Variants in CORO1C observed in about 807,000 individuals in gnomAD.
CORO1C encodes the protein coronin-1C.
Under a neutral mutation model 51.2 loss-of-function variants are expected in CORO1C, and 14 were observed. The ratio of observed to expected loss-of-function variants is 0.27; its 90% CI spans 0.18 to 0.43. The LOEUF (loss-of-function observed/expected upper bound fraction) is 0.43. Among genes scored for constraint, CORO1C ranks in the 20% least tolerant of loss-of-function variants. CORO1C has a pLI of 1.00. For missense variants in CORO1C, 417 were observed against 607.8 expected, an observed-to-expected ratio of 0.69 and a Z score of 3.30; for synonymous variants, 181 against 210.5, an observed-to-expected ratio of 0.86 and a Z score of 1.21.
At position 108,646,636 on chromosome 12, in the gene CORO1C, C is replaced by T. The variant is rs1333587165; in HGVS notation, c.*767G>A. The T allele has an allele frequency of 6.6e-6, 1 of 152,116 alleles. No individual in the cohort carries two copies. The highest frequency in any genetic ancestry group is 1.9e-4 in the East Asian group (1 of 5,206). The allele number at this position is 152,116 out of a possible 1,614,324, so 9.4% of individuals were successfully genotyped here. A position where few individuals can be genotyped will look rare whatever the true frequency, so the allele number is the denominator to read the frequency against. ...AAGCAAAATTCCATTCTGGTACAAA[C>T]ACCCAATTTCTAGAAAAGAGAAAGG... On this transcript the variant is annotated 3_prime_UTR_variant, in exon 11 of 11. Coordinates refer to ENST00000261401, the MANE Select transcript of CORO1C (RefSeq NM_014325.4).
intron 2 of CORO1C, among the ~76,000 whole-genome samples, chr12:108,693,589 G>A (rs2034570280): frequency 6.6e-6 from 1 of 152,190 alleles, no homozygotes; most frequent in Non-Finnish European, 1.5e-5. Flanking sequence ...CTACCAAAAA[G>A]CTATCCTTCA....
chr12:108,675,425 T>A (rs1436367529), intron 3 of CORO1C, among the ~76,000 whole-genome samples: 1 of 152,076 alleles, frequency 6.6e-6, no homozygotes, highest in Non-Finnish European at 1.5e-5. Context: ...GGCTTTGAGA[T>A]AAGAATTATA....
In CORO1C at chr12:108,647,467, G is replaced by A. The variant is rs748719946; in HGVS notation, c.1361C>T (p.Thr454Ile). Residue 454 changes from threonine to isoleucine, a missense_variant, in exon 11 of 11, where the codon ACA (threonine) becomes ATA (isoleucine). Physicochemically the swap from Thr to Ile is moderately conservative, Grantham distance 89 (BLOSUM62 -1). Transcript: ENST00000261401. The stretch of plus-strand genomic sequence containing the variant: ...AATACGCTCATCTTGATTGCAGATT[G>A]TGTCTTTTATAGATTTGATCTCTTT... ...ILKEIKSIKD[T>I]ICNQDERISK... 1 of 1,610,522 alleles carries A rather than the reference G, an allele frequency of 6.2e-7. No homozygotes were observed. Among genetic ancestry groups the A allele is most frequent in the South Asian group, 1.1e-5 (1 of 90,910 alleles).
intron 1 of CORO1C, among the ~76,000 whole-genome samples, chr12:108,722,132 G>A (rs2035488022): frequency 6.6e-6 from 1 of 152,122 alleles, no homozygotes; most frequent in South Asian, 2.1e-4. Context: ...ACATTTCAAA[G>A]AGACAATCTG....
At chr12:108,714,197 T>TG in intron 1 of CORO1C, among the ~76,000 whole-genome samples, 1 of 151,936 alleles carries the variant, frequency 6.6e-6, no homozygotes, top group Admixed American at 6.6e-5. Flanking sequence ...GAAACCATCC[T>TG]GGCCAACATA....
intron 6 of CORO1C, among the ~76,000 whole-genome samples, chr12:108,655,855 G>A (rs1439603013): frequency 6.6e-6 from 1 of 152,196 alleles, no homozygotes; most frequent in East Asian, 1.9e-4. Flanking sequence ...TCTGGGATGT[G>A]AGGAGCCCCT....
chr12:108,712,253 C>T (rs1242599898), intron 1 of CORO1C, among the ~76,000 whole-genome samples: 1 of 152,066 alleles, frequency 6.6e-6, no homozygotes, highest in Non-Finnish European at 1.5e-5. Context: ...ATTTAAATGA[C>T]AATGCCAACA....
Position 108,649,029 on chromosome 12 carries a change from G to C in CORO1C, c.1002-9C>G, listed in dbSNP as rs745728099. The C allele has an allele frequency of 9.3e-6, 15 of 1,613,804 alleles. No individual in the cohort carries two copies. Among genetic ancestry groups the C allele is most frequent in the Non-Finnish European group, 1.3e-5 (15 of 1,179,966 alleles). ...CATGAAGTTTGAAGAATCTTCAGAG[G>C]GGAAATAAAGGCAAAGTTGCATTAA... On this transcript the variant is annotated splice_polypyrimidine_tract_variant and intron_variant, in intron 8 of 10. Transcript: ENST00000261401.
At chr12:108,702,459 T>C (rs1351393860) in intron 1 of CORO1C, among the ~76,000 whole-genome samples, 3 of 152,180 alleles carry the variant, frequency 2.0e-5, no homozygotes, top group Non-Finnish European at 4.4e-5. Context: ...ACTGAAAGCT[T>C]TGTGCTTTCA....
At chr12:108,661,970 C>A in intron 4 of CORO1C, 59 bp downstream of exon 4, 1 of 1,601,758 alleles carries the variant, frequency 6.2e-7, no homozygotes. Context: ...TTGCTTCCCC[C>A]CACTCAGAGA....
intron 3 of CORO1C, among the ~76,000 whole-genome samples, 174 bp from the exon 4 acceptor site, chr12:108,662,332 GT>G (rs1039542772): frequency 6.6e-6 from 1 of 151,378 alleles, no homozygotes; most frequent in Non-Finnish European, 1.5e-5. Flanking sequence ...TTTTTTGTTT[GT>G]TTTTTTGTTT....
At chr12:108,708,168 C>T (rs1452213617) in intron 1 of CORO1C, among the ~76,000 whole-genome samples, 1 of 152,134 alleles carries the variant, frequency 6.6e-6, no homozygotes, top group Non-Finnish European at 1.5e-5. Context: ...CAAACAAATA[C>T]TTGTACATGA....
intron 1 of CORO1C, chr12:108,701,837 G>C (rs2034880805): frequency 5.8e-6 from 1 of 172,100 alleles, no homozygotes; most frequent in Non-Finnish European, 1.3e-5. Flanking sequence ...TCTGAGAATT[G>C]TGTCTATTCC....
At chr12:108,649,109 T>A in intron 8 of CORO1C, 89 bp from the exon 9 acceptor site, 31 of 1,475,112 alleles carry the variant, frequency 2.1e-5, no homozygotes, top group Non-Finnish European at 2.9e-5. Flanking sequence ...CAATGCTGTC[T>A]GAAATGTCAA....
At chr12:108,657,237 G>A in intron 6 of CORO1C, 67 bp downstream of exon 6, 1 of 1,545,818 alleles carries the variant, frequency 6.5e-7, no homozygotes, top group Non-Finnish European at 8.7e-7. Flanking sequence ...CTTACTCACT[G>A]GAAGACCTGC....
At chr12:108,678,718 TA>T (rs5800834) in intron 2 of CORO1C, among the ~76,000 whole-genome samples, 10,193 of 113,662 alleles carry the variant, frequency 0.09, 488 homozygotes, top group East Asian at 0.32. Flanking sequence ...TTCCATGGCT[TA>T]AAAAAAAAAA....
At chr12:108,648,562 A>G (rs1386533518) in intron 10 of CORO1C, 43 bp downstream of exon 10, 2 of 1,611,894 alleles carry the variant, frequency 1.2e-6, no homozygotes, top group East Asian at 4.5e-5. Flanking sequence ...TAGAGGATAA[A>G]GCCTGAACCA....
intron 2 of CORO1C, among the ~76,000 whole-genome samples, chr12:108,699,401 T>C (rs1212624873): frequency 6.6e-6 from 1 of 152,202 alleles, no homozygotes. Context: ...ATTATGTCTA[T>C]TTTGTGCTTC....
chr12:108,699,413 T>TAA (rs1311073661), intron 2 of CORO1C, among the ~76,000 whole-genome samples: 11 of 152,210 alleles, frequency 7.2e-5, no homozygotes, highest in African/African-American at 2.7e-4. Flanking sequence ...TTGTGCTTCT[T>TAA]AATTGGCTTG....
Sources: allele counts gnomAD v4.1 joint callset (sites outside exome capture counted in the v4.1 genomes callset), GRCh38; gene constraint gnomAD v4.1.1; transcripts MANE v1.5; gene names NCBI Gene and HGNC (gene_info 2026-07-23, HGNC 2026-07-21).